GMPS: variants seen among roughly 807,000 people sequenced by gnomAD.
GMPS encodes guanosine monophosphate synthase.
GMPS carries 15 observed loss-of-function variants against 77.9 expected under a neutral mutation model. The ratio of observed to expected loss-of-function variants is 0.19; its 90% CI spans 0.13 to 0.30. The LOEUF (loss-of-function observed/expected upper bound fraction) is 0.30. GMPS is among the 10% of genes least tolerant of loss of function. GMPS has a pLI of 1.00. For missense variants in GMPS, 590 were observed against 838.8 expected (o/e 0.70, Z 3.66); for synonymous variants, 224 against 275.9 (o/e 0.81, Z 1.86).
rs373107086 is a variant in GMPS, at chr3:155,894,209, A to G, written c.209+510A>G. Among the ~76,000 whole-genome samples the G allele has an allele frequency of 7.0e-4, 107 of 152,198 alleles. 4 individuals carry two copies. In the South Asian group the frequency reaches 0.022, roughly 32 times the overall value. On this transcript the variant is annotated intron_variant, in intron 2 of 15. Transcript: ENST00000496455. ...TATGTAGTTTCTTCCTTTAACAACT[A>G]TTTTTGGTTAATGTCATGCTTTCTT... is the stretch of plus-strand genomic sequence containing the variant.
intron 1 of GMPS, among the ~76,000 whole-genome samples, chr3:155,878,507 G>A (rs1754116032): frequency 6.6e-6 from 1 of 152,130 alleles, no homozygotes; most frequent in Non-Finnish European, 1.5e-5. Context: ...ATGCTCTTGA[G>A]TATAAACCTA....
At chr3:155,931,445 C>G (rs1755615725) in intron 12 of GMPS, among the ~76,000 whole-genome samples, 2 of 152,070 alleles carry the variant, frequency 1.3e-5, no homozygotes, top group Non-Finnish European at 2.9e-5. Flanking sequence ...CTCGGCCTCC[C>G]AAAGTGCTGG....
Position 155,937,491 on chromosome 3 carries a change from G to A in GMPS, c.1981-100G>A, listed in dbSNP as rs1577540388. On this transcript the variant is annotated intron_variant, in intron 15 of 15. Transcript: ENST00000496455. ...TCCCATATACATGGAGGACAATAGT[G>A]AAAATAGTCAAATTTTAATTTCAAA... The A allele has an allele frequency of 1.8e-5, 12 of 654,362 alleles. No individual in the cohort carries two copies. The East Asian group carries it at 3.1e-4, about 17-fold the overall frequency. 40.5% of individuals were successfully genotyped at this position (654,362 alleles called of 1,614,324 possible).
chr3:155,928,017 C>CA (rs1755498891), intron 12 of GMPS, among the ~76,000 whole-genome samples: 1 of 124,904 alleles, frequency 8.0e-6, no homozygotes, highest in Non-Finnish European at 1.6e-5. Context: ...GTGCATTTTA[C>CA]ACTTTTTTTT....
intron 13 of GMPS, among the ~76,000 whole-genome samples, chr3:155,934,599 A>G (rs1014048411): frequency 6.6e-6 from 1 of 152,212 alleles, no homozygotes; most frequent in Non-Finnish European, 1.5e-5. Flanking sequence ...GGTGGGCATG[A>G]AGTTTTGGGG....
intron 2 of GMPS, among the ~76,000 whole-genome samples, chr3:155,897,578 T>C (rs1445916838): frequency 1.3e-5 from 2 of 152,184 alleles, no homozygotes; most frequent in Non-Finnish European, 2.9e-5. Context: ...ATTTTCACCA[T>C]CTCTAGAATT....
intron 13 of GMPS, among the ~76,000 whole-genome samples, chr3:155,934,497 C>T (rs767998302): frequency 3.3e-5 from 5 of 152,112 alleles, no homozygotes; most frequent in South Asian, 2.1e-4. Context: ...GGAAGGATAC[C>T]AGTCATTGGA....
Position 155,911,089 on chromosome 3 carries a change from TTTGATTTTTCA to T in GMPS, c.721-22_721-12del. ...TTTTCTTTTTGCTTGTTTTGCTCAT[TTTGATTTTTCA>T]TTTTACCCCGTAGGTTTTACTCAGT... On this transcript the variant is annotated splice_polypyrimidine_tract_variant and intron_variant, in intron 6 of 15. Transcript: ENST00000496455. 1 of 1,559,916 alleles carries T rather than the reference TTTGATTTTTCA, an allele frequency of 6.4e-7. No individual in the cohort carries two copies. Among genetic ancestry groups the T allele is most frequent in the Non-Finnish European group, 8.7e-7 (1 of 1,148,106 alleles).
rs529687643 is a variant in GMPS, at chr3:155,870,997, C to T, written c.27+100C>T. On this transcript the variant is annotated intron_variant, in intron 1 of 15. Transcript: ENST00000496455. ...GCCCTTCCCCACCCCCTTCCCCCAG[C>T]CCGTCCGCGCAGCCCTGCGCCCCGG... The T allele has an allele frequency of 1.2e-5, 14 of 1,133,096 alleles. No homozygotes were observed. The South Asian group carries it at 2.4e-4, about 19-fold the overall frequency. The allele number at this position is 1,133,096 out of a possible 1,614,324, so 70.2% of individuals were successfully genotyped here.
intron 5 of GMPS, among the ~76,000 whole-genome samples, chr3:155,907,918 G>A (rs193020040): frequency 1.1e-4 from 16 of 152,320 alleles, no homozygotes; most frequent in Admixed American, 9.8e-4. Context: ...CCATGTGGTT[G>A]GAGCAGAGTA....
chr3:155,874,427 A>G (rs949533975), intron 1 of GMPS, among the ~76,000 whole-genome samples: 1 of 152,228 alleles, frequency 6.6e-6, no homozygotes, highest in Non-Finnish European at 1.5e-5. Context: ...CAAATTTAAG[A>G]TTTTGAATGG....
At chr3:155,888,709 C>T (rs1337113133) in intron 1 of GMPS, among the ~76,000 whole-genome samples, 1 of 152,032 alleles carries the variant, frequency 6.6e-6, no homozygotes, top group Non-Finnish European at 1.5e-5. Context: ...CCTCAGCCTC[C>T]CAAGTAGCTG....
intron 1 of GMPS, among the ~76,000 whole-genome samples, chr3:155,874,090 G>C (rs1439340993): frequency 6.6e-6 from 1 of 152,146 alleles, no homozygotes; most frequent in Admixed American, 6.5e-5. Context: ...TTATGCCTTT[G>C]CATCCTCACA....
At position 155,943,346 on chromosome 3, in the gene GMPS, T is replaced by C. The variant is rs887273156; in HGVS notation, c.*5654T>C. ...TTAGGAAATTTGGCTATTGAGTATATTAAGTACAACTACAAAATCCTCTGA... is the reference window on the plus strand; with the variant it reads ...TTAGGAAATTTGGCTATTGAGTATACTAAGTACAACTACAAAATCCTCTGA... On this transcript the variant is annotated 3_prime_UTR_variant, in exon 16 of 16. Transcript: ENST00000496455. The C allele has an allele frequency of 5.5e-6, 1 of 181,298 alleles. No individual in the cohort carries two copies. The highest frequency in any genetic ancestry group is 6.3e-5 in the Admixed American group (1 of 15,938). 11.2% of individuals were successfully genotyped at this position (181,298 alleles called of 1,614,324 possible).
intron 1 of GMPS, among the ~76,000 whole-genome samples, chr3:155,881,241 C>T (rs1331111922): frequency 4.4e-5 from 6 of 137,556 alleles, no homozygotes; most frequent in Admixed American, 2.5e-4. Context: ...GGCATGATCT[C>T]GGCTCACCAC....
chr3:155,916,118 G>A lies in GMPS; in HGVS notation c.1138G>A (p.Val380Ile), dbSNP rs779488100. The A allele has an allele frequency of 6.2e-7, 1 of 1,613,450 alleles. No individual in the cohort carries two copies. The change falls in exon 9 of 16, where the codon GTT becomes ATT. Residue 380 changes from valine (V) to isoleucine (I), a missense_variant. Val to Ile is a conservative substitution (Grantham distance 29). Transcript: ENST00000496455. ...TGATCTAATTGAAAGTGCATCCCTT[G>A]TTGCAAGTGGCAAAGCTGAACTCAT... ...RPDLIESASL[V>I]ASGKAELIKT... is the part of the protein sequence containing the mutation.
intron 1 of GMPS, among the ~76,000 whole-genome samples, chr3:155,884,423 A>G (rs1012961487): frequency 2.0e-5 from 3 of 151,990 alleles, no homozygotes; most frequent in African/African-American, 2.4e-5. Flanking sequence ...TCACGAGGCA[A>G]AGAACAGTAT....
Position 155,940,143 on chromosome 3 carries a change from T to C in GMPS, c.*2451T>C, listed in dbSNP as rs1013644483. 1.3e-4 allele frequency: 27 copies of C among 203,366 alleles called. No individual in the cohort carries two copies. The highest frequency in any genetic ancestry group is 3.8e-4 in the South Asian group (2 of 5,296). 12.6% of individuals were successfully genotyped at this position (203,366 alleles called of 1,614,324 possible). Reference sequence around the variant, plus strand: ...TTGCTTACCATCTACCTGGGACACATCTCTCTTTGATTAAATATATTCTTT... The same window carrying C: ...TTGCTTACCATCTACCTGGGACACACCTCTCTTTGATTAAATATATTCTTT... On this transcript the variant is annotated 3_prime_UTR_variant, in exon 16 of 16. Coordinates refer to ENST00000496455, the MANE Select transcript of GMPS (RefSeq NM_003875.3).
chr3:155,914,336 C>A, intron 7 of GMPS, 83 bp from the exon 8 acceptor site: 1 of 1,013,696 alleles, frequency 9.9e-7, no homozygotes, highest in Non-Finnish European at 1.4e-6. Context: ...AAAGAAATAG[C>A]TTTTCTTTCT....
Sources: gnomAD v4.1 joint callset for allele counts (sites outside exome capture counted in the v4.1 genomes callset) on GRCh38, gnomAD v4.1.1 for gene constraint, MANE v1.5 for transcripts, NCBI Gene and HGNC (gene_info 2026-07-23, HGNC 2026-07-21) for gene names.